DIP2C: variants seen among roughly 807,000 people sequenced by gnomAD.
DIP2C encodes DIP2 acetate--CoA ligase C (putative).
In DIP2C, 33 loss-of-function variants were observed where a neutral mutation model predicts 192.4. That is an observed-to-expected ratio of 0.17 (90% confidence interval 0.13 to 0.23). The LOEUF is 0.23. DIP2C is among the 10% of genes least tolerant of loss of function. The probability of loss-of-function intolerance (pLI) is 1.00; values close to 1 mark genes in which losing one functional copy is unlikely to be tolerated. For synonymous variants in DIP2C, 979 were observed against 864.1 expected (o/e 1.13, Z -2.33); for missense variants, 1,537 against 2,110.1 (o/e 0.73, Z 5.32).
intron 3 of DIP2C, among the ~76,000 whole-genome samples, chr10:442,424 A>G (rs988038469): frequency 1.4e-4 from 21 of 152,276 alleles, no homozygotes; most frequent in Admixed American, 7.8e-4. Context: ...GTCAAAAATC[A>G]ATATGTGACT....
chr10:286,581 C>T (rs529368335), intron 33 of DIP2C, among the ~76,000 whole-genome samples: 2 of 152,246 alleles, frequency 1.3e-5, no homozygotes, highest in East Asian at 3.9e-4. Context: ...GTTATGGTGA[C>T]CTCAAAATTA....
intron 3 of DIP2C, among the ~76,000 whole-genome samples, chr10:470,406 T>G (rs1970534989): frequency 6.6e-6 from 1 of 152,138 alleles, no homozygotes; most frequent in African/African-American, 2.4e-5. Flanking sequence ...ATCCTGCCAC[T>G]CTCAGCCACC....
At chr10:536,648 T>C (rs1847714605) in intron 1 of DIP2C, among the ~76,000 whole-genome samples, 1 of 152,238 alleles carries the variant, frequency 6.6e-6, no homozygotes, top group Non-Finnish European at 1.5e-5. Flanking sequence ...CAGAATTCGT[T>C]CATGGGACTG....
At chr10:631,544 G>A (rs1006518537) in intron 1 of DIP2C, among the ~76,000 whole-genome samples, 1 of 152,136 alleles carries the variant, frequency 6.6e-6, no homozygotes, top group Non-Finnish European at 1.5e-5. Context: ...ACCTCTGGGC[G>A]CCAACACTCT....
At chr10:616,999 G>A (rs1001064585) in intron 1 of DIP2C, among the ~76,000 whole-genome samples, 4 of 152,116 alleles carry the variant, frequency 2.6e-5, no homozygotes, top group African/African-American at 9.7e-5. Flanking sequence ...AAGAAAGCCA[G>A]GGAGGGACTG....
rs1173407754 is a variant in DIP2C, at chr10:633,482, G to A, written c.85+56012C>T. Among the ~76,000 whole-genome samples, 5 of 152,148 alleles carry A rather than the reference G, an allele frequency of 3.3e-5. No individual in the cohort carries two copies. The East Asian group carries it at 5.8e-4, about 18-fold the overall frequency. The stretch of plus-strand genomic sequence containing the variant: ...GCCGTAGAGTGGATGGGGAGAGTTC[G>A]AGCCACAGGTGGCCACGCCTCCCCT... On this transcript the variant is annotated intron_variant, in intron 1 of 36. Transcript: ENST00000280886.
At chr10:583,623 C>T (rs1463558929) in intron 1 of DIP2C, among the ~76,000 whole-genome samples, 1 of 152,248 alleles carries the variant, frequency 6.6e-6, no homozygotes, top group Admixed American at 6.5e-5. Context: ...CGGGGCTGCT[C>T]CCGAGACTGT....
At chr10:635,769 C>T (rs1397778954) in intron 1 of DIP2C, among the ~76,000 whole-genome samples, 3 of 152,188 alleles carry the variant, frequency 2.0e-5, no homozygotes, top group Non-Finnish European at 4.4e-5. Flanking sequence ...GCCCTGCAGT[C>T]AGGGAGGCGA....
At chr10:488,066 G>A (rs372942207) in intron 1 of DIP2C, among the ~76,000 whole-genome samples, 3 of 152,332 alleles carry the variant, frequency 2.0e-5, no homozygotes, top group East Asian at 3.9e-4. Flanking sequence ...AGCCACATGT[G>A]CACGTGCTTG....
chr10:375,824 G>A lies in DIP2C; in HGVS notation c.1992-6191C>T, dbSNP rs560318989. Among the ~76,000 whole-genome samples, 9 of 152,154 alleles carry A rather than the reference G, an allele frequency of 5.9e-5. No individual in the cohort carries two copies. The East Asian group carries it at 1.6e-3, about 26-fold the overall frequency. On this transcript the variant is annotated intron_variant, in intron 17 of 36. Coordinates refer to ENST00000280886, the MANE Select transcript of DIP2C (RefSeq NM_014974.3). ...ACTGCACCTGCACAGCTTCAGTGCC[G>A]CTCATCATTTGCTGAATCCCTTAAG...
At chr10:656,194 T>C (rs1468106936) in intron 1 of DIP2C, among the ~76,000 whole-genome samples, 1 of 152,306 alleles carries the variant, frequency 6.6e-6, no homozygotes, top group African/African-American at 2.4e-5. Flanking sequence ...CGCTATACTA[T>C]TTGTCCTATT....
At chr10:359,523 G>A (rs141629529) in intron 22 of DIP2C, among the ~76,000 whole-genome samples, 10 of 152,308 alleles carry the variant, frequency 6.6e-5, no homozygotes, top group Non-Finnish European at 1.5e-4. Context: ...GAATTTTCAC[G>A]TCGTAGTTGT....
At chr10:653,523 T>C (rs1489280291) in intron 1 of DIP2C, among the ~76,000 whole-genome samples, 1 of 152,214 alleles carries the variant, frequency 6.6e-6, no homozygotes, top group Non-Finnish European at 1.5e-5. Flanking sequence ...GCAACGAAGC[T>C]GGCAATATAT....
At chr10:479,934 A>ACG (rs1843466181) in intron 2 of DIP2C, among the ~76,000 whole-genome samples, 1 of 146,246 alleles carries the variant, frequency 6.8e-6, no homozygotes, top group African/African-American at 2.6e-5. Context: ...TCACTGGATG[A>ACG]GTCTCACCCG....
At chr10:333,062 C>T (rs1957574933) in intron 29 of DIP2C, among the ~76,000 whole-genome samples, 1 of 152,102 alleles carries the variant, frequency 6.6e-6, no homozygotes, top group Non-Finnish European at 1.5e-5. Context: ...GCCACCACGC[C>T]AGGCTAATTT....
At chr10:390,218 C>T (rs1055336044) in intron 12 of DIP2C, 46 bp downstream of exon 12, 8 of 1,601,800 alleles carry the variant, frequency 5.0e-6, no homozygotes, top group Admixed American at 3.3e-5. Flanking sequence ...CACGTTAGTG[C>T]CAAGGCCACA....
chr10:389,273 AG>A (rs1209558675), intron 13 of DIP2C, among the ~76,000 whole-genome samples: 2 of 152,186 alleles, frequency 1.3e-5, no homozygotes, highest in East Asian at 3.9e-4. Flanking sequence ...AGGAGGTTTC[AG>A]GGGATATCAG....
At chr10:667,030 T>C (rs1483462220) in intron 1 of DIP2C, 2 of 152,180 alleles carry the variant, frequency 1.3e-5, no homozygotes, top group Non-Finnish European at 2.9e-5. Flanking sequence ...AAAAATGAAA[T>C]TTAAAACAGA....
chr10:581,740 G>A lies in DIP2C; in HGVS notation c.86-95210C>T, dbSNP rs542563109. Among the ~76,000 whole-genome samples, 26 of 152,190 alleles carry A rather than the reference G, an allele frequency of 1.7e-4. 1 individual carries two copies. The South Asian group carries it at 4.8e-3, about 28-fold the overall frequency. On this transcript the variant is annotated intron_variant, in intron 1 of 36. Coordinates refer to ENST00000280886, the MANE Select transcript of DIP2C (RefSeq NM_014974.3). ...GTCAGGTTCTGGGTCAGTTCTACCC[G>A]GTTCTGCCCAGGCCCTACTGGAGAT...
Sources: allele counts gnomAD v4.1 joint callset (sites outside exome capture counted in the v4.1 genomes callset), GRCh38; gene constraint gnomAD v4.1.1; transcripts MANE v1.5; gene names NCBI Gene and HGNC (gene_info 2026-07-23, HGNC 2026-07-21).